The following CCDC141 variants were observed in gnomAD, a reference collection of about 807,000 sequenced individuals.
CCDC141 encodes coiled-coil domain-containing protein 141.
In CCDC141, 168 loss-of-function variants were observed where a neutral mutation model predicts 181.0. The observed-to-expected ratio is 0.93, with a 90% CI of 0.82 to 1.05. CCDC141 has a LOEUF of 1.05. Among genes scored for constraint, CCDC141 ranks in the 50% least tolerant of loss-of-function variants. CCDC141 has a pLI of 0.00. For missense variants in CCDC141, 1,902 were observed against 1,788.5 expected, an observed-to-expected ratio of 1.06 and a Z score of -1.14; for synonymous variants, 666 against 642.3, an observed-to-expected ratio of 1.04 and a Z score of -0.56.
chr2:178,858,499 T>G (rs1685477738), intron 17 of CCDC141, among the ~76,000 whole-genome samples: 1 of 152,172 alleles, frequency 6.6e-6, no homozygotes, highest in Non-Finnish European at 1.5e-5. Flanking sequence ...AATGAGTTAC[T>G]ATTTAATGAG....
intron 6 of CCDC141, among the ~76,000 whole-genome samples, chr2:178,928,735 C>T (rs772704440): frequency 6.6e-6 from 1 of 152,126 alleles, no homozygotes; most frequent in Non-Finnish European, 1.5e-5. Context: ...CTTAACTCAG[C>T]CCTTTCTTAG....
chr2:179,035,238 T>C (rs1478365872), intron 2 of CCDC141, among the ~76,000 whole-genome samples: 1 of 152,184 alleles, frequency 6.6e-6, no homozygotes, highest in African/African-American at 2.4e-5. Context: ...AAACCTCTCA[T>C]AAATTCAGAA....
At chr2:178,956,533 G>A (rs1690169494) in intron 5 of CCDC141, among the ~76,000 whole-genome samples, 2 of 152,000 alleles carry the variant, frequency 1.3e-5, no homozygotes, top group Admixed American at 1.3e-4. Flanking sequence ...GAATTCCTGG[G>A]CTCAAGCAGT....
At chr2:178,981,039 A>G (rs1487051007) in intron 2 of CCDC141, among the ~76,000 whole-genome samples, 2 of 152,214 alleles carry the variant, frequency 1.3e-5, no homozygotes, top group African/African-American at 4.8e-5. Context: ...GAGTCAATCT[A>G]CAAGAAGGCA....
In CCDC141 at chr2:178,904,630, C is replaced by A. The variant is rs561082053; in HGVS notation, c.1265+699G>T. On this transcript the variant is annotated intron_variant, in intron 8 of 23. Transcript: ENST00000443758. Reference sequence around the variant, plus strand: ...AAAAATGTAAGCCCTGCTTTCATTTCTTCCGGGTCGATATGCATTCCACTA... The same window carrying A: ...AAAAATGTAAGCCCTGCTTTCATTTATTCCGGGTCGATATGCATTCCACTA... Among the ~76,000 whole-genome samples the A allele has an allele frequency of 2.5e-3, 382 of 152,192 alleles. 1 individual carries two copies. The highest frequency in any genetic ancestry group is 8.6e-3 in the African/African-American group (357 of 41,508).
chr2:178,863,020 A>T (rs1434399521), intron 17 of CCDC141, among the ~76,000 whole-genome samples: 1 of 152,058 alleles, frequency 6.6e-6, no homozygotes, highest in East Asian at 1.9e-4. Context: ...AGGAAAGCAT[A>T]AAAAAAAGAA....
At chr2:178,849,133 C>T (rs1346920181) in intron 21 of CCDC141, among the ~76,000 whole-genome samples, 1 of 152,114 alleles carries the variant, frequency 6.6e-6, no homozygotes, top group Non-Finnish European at 1.5e-5. Flanking sequence ...AAATTTATGA[C>T]ATGGAAATTC....
chr2:178,962,332 T>G (rs1186554228), intron 4 of CCDC141, among the ~76,000 whole-genome samples: 1 of 152,202 alleles, frequency 6.6e-6, no homozygotes, highest in Non-Finnish European at 1.5e-5. Context: ...GTTGGGGAAC[T>G]GTCCACTCTC....
intron 2 of CCDC141, among the ~76,000 whole-genome samples, chr2:178,991,293 A>G (rs557812254): frequency 3.9e-5 from 6 of 152,216 alleles, no homozygotes. Flanking sequence ...CTTTCCTCCC[A>G]TATAAAACAT....
chr2:178,906,133 G>A (rs2154373057), intron 7 of CCDC141, among the ~76,000 whole-genome samples: 1 of 152,310 alleles, frequency 6.6e-6, no homozygotes, highest in South Asian at 2.1e-4. Flanking sequence ...CTGACATGCA[G>A]AAATAGGATT....
intron 2 of CCDC141, among the ~76,000 whole-genome samples, chr2:179,039,198 A>G (rs1312821285): frequency 6.6e-6 from 1 of 151,668 alleles, no homozygotes; most frequent in African/African-American, 2.4e-5. Flanking sequence ...TGGACACTCC[A>G]CTAAGATTAA....
At chr2:178,993,574 C>T (rs546505333) in intron 2 of CCDC141, among the ~76,000 whole-genome samples, 2 of 152,138 alleles carry the variant, frequency 1.3e-5, no homozygotes, top group Admixed American at 6.5e-5. Context: ...GGGACACATC[C>T]AAACCATATT....
chr2:179,045,203 C>T lies in CCDC141; in HGVS notation c.225+2081G>A, dbSNP rs192699052. On this transcript the variant is annotated intron_variant, in intron 2 of 23. Coordinates refer to ENST00000443758, the MANE Select transcript of CCDC141 (RefSeq NM_173648.4). Reference sequence around the variant, plus strand: ...ACAGTCCCCAGAGTGTGATGTTCCCCTTCCTGTGTTCATGTGTTCTCATTG... The same window carrying T: ...ACAGTCCCCAGAGTGTGATGTTCCCTTTCCTGTGTTCATGTGTTCTCATTG... 1.4e-3 allele frequency among the ~76,000 whole-genome samples: 207 copies of T among 146,754 alleles called. 1 individual carries two copies. The highest frequency in any genetic ancestry group is 5.0e-3 in the African/African-American group (197 of 39,580).
intron 1 of CCDC141, among the ~76,000 whole-genome samples, chr2:179,049,594 T>C (rs1004074909): frequency 1.7e-4 from 26 of 151,442 alleles, no homozygotes; most frequent in Non-Finnish European, 2.8e-4. Flanking sequence ...CTTTTCTTTT[T>C]TTTTTTTTTT....
In CCDC141 at chr2:178,918,746, C is replaced by G. The variant is rs1391287036; in HGVS notation, c.1059G>C (p.Lys353Asn). ...QLMVERNTWL[K>N]KANEFFNSAN... Reference sequence around the variant, plus strand: ...CACTGTTAAAAAATTCATTCGCCTTCTTTAACCAGGTATTCCTTTCCACCA... The same window carrying G: ...CACTGTTAAAAAATTCATTCGCCTTGTTTAACCAGGTATTCCTTTCCACCA... The change falls in exon 7 of 24, where the codon AAG becomes AAC. Residue 353 changes from lysine (K) to asparagine (N), a missense_variant. Transcript: ENST00000443758. 35 of 1,550,402 alleles carry G rather than the reference C, an allele frequency of 2.3e-5. No individual in the cohort carries two copies. The East Asian group carries it at 7.8e-4, about 35-fold the overall frequency.
intron 2 of CCDC141, among the ~76,000 whole-genome samples, chr2:178,982,851 C>A (rs1662606346): frequency 1.3e-5 from 2 of 152,292 alleles, no homozygotes; most frequent in East Asian, 3.9e-4. Flanking sequence ...GCACAGTAGT[C>A]TGAGATCAAA....
At chr2:178,977,769 C>A (rs1691187480) in intron 3 of CCDC141, among the ~76,000 whole-genome samples, 1 of 152,168 alleles carries the variant, frequency 6.6e-6, no homozygotes, top group Non-Finnish European at 1.5e-5. Context: ...GGGCTGCCAC[C>A]TGACACAGAA....
chr2:178,858,864 C>T (rs1393749918), intron 17 of CCDC141, among the ~76,000 whole-genome samples: 1 of 152,092 alleles, frequency 6.6e-6, no homozygotes, highest in Non-Finnish European at 1.5e-5. Flanking sequence ...ATTACATCTG[C>T]TTTAAATGGG....
chr2:178,981,311 C>T (rs887286844), intron 2 of CCDC141, among the ~76,000 whole-genome samples: 18 of 151,952 alleles, frequency 1.2e-4, no homozygotes, highest in African/African-American at 3.9e-4. Flanking sequence ...CTCAAGCTTA[C>T]ATGGAACATA....
Sources: gnomAD v4.1 joint callset for allele counts (sites outside exome capture counted in the v4.1 genomes callset) on GRCh38, gnomAD v4.1.1 for gene constraint, MANE v1.5 for transcripts, NCBI Gene and HGNC (gene_info 2026-07-23, HGNC 2026-07-21) for gene names.